The following DNAJC10 variants were observed in gnomAD, a reference collection of about 807,000 sequenced individuals.
DNAJC10 encodes the protein endoplasmic reticulum disulfide reductase DNAJC10.
Under a neutral mutation model 115.0 loss-of-function variants are expected in DNAJC10, and 101 were observed. That is an observed-to-expected ratio of 0.88 (90% confidence interval 0.75 to 1.04). The LOEUF is 1.04. DNAJC10 is among the 50% of genes least tolerant of loss of function. The pLI, the probability that DNAJC10 is intolerant of heterozygous loss-of-function variation, is 0.00. For missense variants in DNAJC10, 981 were observed against 928.8 expected, an observed-to-expected ratio of 1.06 and a Z score of -0.73; for synonymous variants, 307 against 301.5, an observed-to-expected ratio of 1.02 and a Z score of -0.19.
chr2:182,758,983 G>A lies in DNAJC10; in HGVS notation c.1997+93G>A, dbSNP rs1456510152. On this transcript the variant is annotated intron_variant, in intron 20 of 23. Coordinates refer to ENST00000264065, the MANE Select transcript of DNAJC10 (RefSeq NM_018981.4). ...ATAGTTAAATTTACTGTGGGTTAAGGTTCTAGCATTTTAAATTACTTAGTA... is the reference window on the plus strand; with the variant it reads ...ATAGTTAAATTTACTGTGGGTTAAGATTCTAGCATTTTAAATTACTTAGTA... The A allele has an allele frequency of 6.9e-6, 8 of 1,164,160 alleles. No homozygotes were observed. In the Admixed American group the frequency reaches 1.0e-4, roughly 15 times the overall value. 72.1% of individuals were successfully genotyped at this position (1,164,160 alleles called of 1,614,324 possible). A position where few individuals can be genotyped will look rare whatever the true frequency, so the allele number is the denominator to read the frequency against.
In DNAJC10 at chr2:182,792,152, C is replaced by T. The variant is rs954784250; in HGVS notation, c.*15020C>T. On this transcript the variant is annotated 3_prime_UTR_variant, in exon 24 of 24. Transcript: ENST00000264065. Reference sequence around the variant, plus strand: ...GTAAATTAAAGAAAAAAGAGATGCTCAAGTCAATTTATAAGTAATCCTCAC... The same window carrying T: ...GTAAATTAAAGAAAAAAGAGATGCTTAAGTCAATTTATAAGTAATCCTCAC... 3 of 152,116 alleles carry T rather than the reference C, an allele frequency of 2.0e-5. No homozygotes were observed. The highest frequency in any genetic ancestry group is 7.2e-5 in the African/African-American group (3 of 41,420). 9.4% of individuals were successfully genotyped at this position (152,116 alleles called of 1,614,324 possible).
At chr2:182,762,910 A>G (rs1177189787) in intron 22 of DNAJC10, 109 bp downstream of exon 22, 4 of 1,191,080 alleles carry the variant, frequency 3.4e-6, no homozygotes, top group Admixed American at 4.9e-5. Flanking sequence ...TCATTTTTTT[A>G]TATTATTACA....
intron 10 of DNAJC10, among the ~76,000 whole-genome samples, chr2:182,734,452 G>T (rs984627763): frequency 6.6e-6 from 1 of 151,600 alleles, no homozygotes; most frequent in African/African-American, 2.4e-5. Flanking sequence ...CATGGAATCA[G>T]TTTTTTTAAG....
intron 3 of DNAJC10, among the ~76,000 whole-genome samples, chr2:182,719,258 T>C (rs979699854): frequency 7.0e-6 from 1 of 143,084 alleles, no homozygotes; most frequent in African/African-American, 2.6e-5. Flanking sequence ...TTCTTTTTTT[T>C]TTTTTTTTTT....
At position 182,757,556 on chromosome 2, in the gene DNAJC10, C is replaced by A. The variant is rs1404326201; in HGVS notation, c.1810-136C>A. The A allele has an allele frequency of 7.8e-5, 46 of 589,632 alleles. 1 individual carries two copies. In the East Asian group the frequency reaches 1.3e-3, roughly 17 times the overall value. 36.5% of individuals were successfully genotyped at this position (589,632 alleles called of 1,614,324 possible). Reference sequence around the variant, plus strand: ...TATAAATGGTCTATTATATGTTAAACCCTTATCCATTTTTATTGGGTAAAA... The same window carrying A: ...TATAAATGGTCTATTATATGTTAAAACCTTATCCATTTTTATTGGGTAAAA... On this transcript the variant is annotated intron_variant, in intron 18 of 23. Coordinates refer to ENST00000264065, the MANE Select transcript of DNAJC10 (RefSeq NM_018981.4).
intron 22 of DNAJC10, among the ~76,000 whole-genome samples, chr2:182,769,189 T>C (rs1574956635): frequency 6.6e-6 from 1 of 152,148 alleles, no homozygotes; most frequent in South Asian, 2.1e-4. Context: ...TATTCCATGG[T>C]GTATATGTGC....
intron 22 of DNAJC10, among the ~76,000 whole-genome samples, chr2:182,769,669 GTT>G (rs1285025840): frequency 6.7e-6 from 1 of 150,170 alleles, no homozygotes; most frequent in Admixed American, 6.6e-5. Context: ...TTTTTGATGG[GTT>G]TTTTTTTATT....
At chr2:182,738,579 C>T (rs1331617194) in intron 11 of DNAJC10, among the ~76,000 whole-genome samples, 7 of 151,338 alleles carry the variant, frequency 4.6e-5, no homozygotes, top group South Asian at 2.1e-4. Flanking sequence ...CTTGTTCTGT[C>T]GCCCAGGCTG....
At chr2:182,751,130 CTTTTTTTT>C (rs773393648) in intron 14 of DNAJC10, among the ~76,000 whole-genome samples, 33 of 85,182 alleles carry the variant, frequency 3.9e-4, no homozygotes, top group African/African-American at 1.0e-3. Context: ...GAGATTTTGA[CTTTTTTTT>C]TTTTTTTTTT....
At position 182,791,262 on chromosome 2, in the gene DNAJC10, C is replaced by T. The variant is rs1039470000; in HGVS notation, c.*14130C>T. ...AATCATAACTAGTTGGCAACAAAAACTAGTATGCCTTGGTGTGAATAAACC... is the reference window on the plus strand; with the variant it reads ...AATCATAACTAGTTGGCAACAAAAATTAGTATGCCTTGGTGTGAATAAACC... On this transcript the variant is annotated 3_prime_UTR_variant, in exon 24 of 24. Transcript: ENST00000264065. 6.6e-6 allele frequency: 1 copy of T among 152,096 alleles called. No individual in the cohort carries two copies. The highest frequency in any genetic ancestry group is 1.5e-5 in the Non-Finnish European group (1 of 68,012). The allele number at this position is 152,096 out of a possible 1,614,324, so 9.4% of individuals were successfully genotyped here.
At chr2:182,773,526 C>T (rs925850675) in intron 22 of DNAJC10, among the ~76,000 whole-genome samples, 1 of 152,122 alleles carries the variant, frequency 6.6e-6, no homozygotes, top group East Asian at 1.9e-4. Context: ...TTGTTCATTT[C>T]TTTTTACTCT....
At chr2:182,763,805 T>C (rs1419006153) in intron 22 of DNAJC10, among the ~76,000 whole-genome samples, 1 of 152,162 alleles carries the variant, frequency 6.6e-6, no homozygotes, top group African/African-American at 2.4e-5. Flanking sequence ...GGTAAACTTC[T>C]ATTGTTCTTC....
intron 23 of DNAJC10, among the ~76,000 whole-genome samples, chr2:182,776,410 T>G (rs545394224): frequency 6.2e-4 from 94 of 152,306 alleles, no homozygotes; most frequent in African/African-American, 2.2e-3. Flanking sequence ...TCGGTGTTAC[T>G]GTAGATCATA....
Position 182,777,657 on chromosome 2 carries a change from C to G in DNAJC10, c.*525C>G, listed in dbSNP as rs188389581. ...AACTTAGTTTTTGGTCACTTGTTCT[C>G]CTAAAAATGCTATCCCTAACCATAT... On this transcript the variant is annotated 3_prime_UTR_variant, in exon 24 of 24. Transcript: ENST00000264065. 6.6e-6 allele frequency: 1 copy of G among 152,112 alleles called. No homozygotes were observed. Among genetic ancestry groups the G allele is most frequent in the African/African-American group, 2.4e-5 (1 of 41,420 alleles). The allele number at this position is 152,112 out of a possible 1,614,324, so 9.4% of individuals were successfully genotyped here. A position where few individuals can be genotyped will look rare whatever the true frequency, so the allele number is the denominator to read the frequency against.
intron 11 of DNAJC10, among the ~76,000 whole-genome samples, chr2:182,737,570 A>G (rs1245735995): frequency 6.6e-6 from 1 of 152,082 alleles, no homozygotes; most frequent in Non-Finnish European, 1.5e-5. Flanking sequence ...TCCACTCCAG[A>G]TGTATTATAC....
Position 182,762,691 on chromosome 2 carries a change from G to A in DNAJC10, c.2155G>A (p.Gly719Arg), listed in dbSNP as rs1694315233. Residue 719 changes from glycine (G) to arginine (R), a missense_variant, in exon 22 of 24, where the codon GGA becomes AGA. By Grantham distance (125) the Gly-to-Arg change is moderately radical. Transcript: ENST00000264065. ...TATTTTTCTTTTTCAGATGATTAAA[G>A]GAAAAGTGAAAGCTGGAAAAGTAGA... The part of the protein sequence containing the change: ...EFELLARMIK[G>R]KVKAGKVDCQ... 6.2e-7 allele frequency: 1 copy of A among 1,612,016 alleles called. No individual in the cohort carries two copies. The highest frequency in any genetic ancestry group is 8.5e-7 in the Non-Finnish European group (1 of 1,178,714).
intron 15 of DNAJC10, 29 bp from the exon 16 acceptor site, chr2:182,752,043 G>C: frequency 1.3e-6 from 2 of 1,538,810 alleles, no homozygotes; most frequent in East Asian, 2.3e-5. Context: ...CATTTGGCTC[G>C]GTGCTTATGA....
chr2:182,732,883 T>C (rs984802616), intron 10 of DNAJC10: 4 of 258,676 alleles, frequency 1.5e-5, no homozygotes, highest in Non-Finnish European at 2.9e-5. Flanking sequence ...TATATAGCTC[T>C]CATGTTATGG....
rs1693397863 is a variant in DNAJC10 at position 182,729,893 on chromosome 2, A to T, written c.679A>T (p.Ser227Cys). 1 of 1,610,950 alleles carries T rather than the reference A, an allele frequency of 6.2e-7. No individual in the cohort carries two copies. Among genetic ancestry groups the T allele is most frequent in the Non-Finnish European group, 8.5e-7 (1 of 1,178,720 alleles). ...HGDRSKESLV[S>C]FAMQHVRSTV... is the part of the protein sequence containing the mutation. ...AGACAGATCAAAGGAGAGTTTAGTG[A>T]GTTTTGCAATGCAGCATGTTAGAAG... Residue 227 changes from serine to cysteine, a missense_variant, in exon 8 of 24, where the codon AGT becomes TGT. Physicochemically the swap from Ser to Cys is moderately radical, Grantham distance 112. Transcript: ENST00000264065.
Sources: allele counts gnomAD v4.1 joint callset (sites outside exome capture counted in the v4.1 genomes callset), GRCh38; gene constraint gnomAD v4.1.1; transcripts MANE v1.5; gene names NCBI Gene and HGNC (gene_info 2026-07-23, HGNC 2026-07-21).